The following DIP2C variants were observed in gnomAD, a reference collection of about 807,000 sequenced individuals.
The protein encoded by DIP2C is DIP2 acetate--CoA ligase C (putative).
Under a neutral mutation model 192.4 loss-of-function variants are expected in DIP2C, and 33 were observed. The observed-to-expected ratio is 0.17, with a 90% CI of 0.13 to 0.23. The LOEUF is 0.23. DIP2C is among the 10% of genes least tolerant of loss of function. The pLI, the probability that DIP2C is intolerant of heterozygous loss-of-function variation, is 1.00. For synonymous variants in DIP2C, 979 were observed against 864.1 expected, an observed-to-expected ratio of 1.13 and a Z score of -2.33; for missense variants, 1,537 against 2,110.1, an observed-to-expected ratio of 0.73 and a Z score of 5.32.
chr10:423,021 C>A lies in DIP2C; in HGVS notation c.407G>T (p.Gly136Val). The change falls in exon 5 of 37, where the codon GGC becomes GTC. Residue 136 changes from glycine (G) to valine (V), a missense_variant. Transcript: ENST00000280886. ...CTGCACTGAGCCTTCATCTTCTGAG[C>A]CAGAAGAGGTATCTGTGTAAGAAGA... ...DAYTPPDTSS[G>V]SEDEGSVQGD... 6.2e-7 allele frequency: 1 copy of A among 1,608,932 alleles called. No individual in the cohort carries two copies. The highest frequency in any genetic ancestry group is 8.5e-7 in the Non-Finnish European group (1 of 1,176,716).
intron 1 of DIP2C, among the ~76,000 whole-genome samples, chr10:565,814 C>T (rs1212598856): frequency 6.6e-6 from 1 of 152,260 alleles, no homozygotes; most frequent in Non-Finnish European, 1.5e-5. Flanking sequence ...AGGCTGGCGC[C>T]CTTCTCCGAG....
chr10:589,457 T>C (rs183724161), intron 1 of DIP2C, among the ~76,000 whole-genome samples: 31 of 152,346 alleles, frequency 2.0e-4, no homozygotes, highest in Middle Eastern at 3.4e-3. Flanking sequence ...GTTTTCTAGT[T>C]TGGCATTTTA....
chr10:329,855 T>C lies in DIP2C; in HGVS notation c.3585-254A>G, dbSNP rs553263391. 2.6e-5 allele frequency among the ~76,000 whole-genome samples: 4 copies of C among 152,296 alleles called. No homozygotes were observed. In the South Asian group the frequency reaches 8.3e-4, roughly 32 times the overall value. On this transcript the variant is annotated intron_variant, in intron 29 of 36. Coordinates refer to ENST00000280886, the MANE Select transcript of DIP2C (RefSeq NM_014974.3). ...ACTTTGAACACACATTTAAGACTAC[T>C]AAACGCTGTGATGCTGTGATGTCTC...
In DIP2C at chr10:582,388, C is replaced by T. The variant is rs190957259; in HGVS notation, c.86-95858G>A. Among the ~76,000 whole-genome samples, 22 of 152,282 alleles carry T rather than the reference C, an allele frequency of 1.4e-4. No individual in the cohort carries two copies. The East Asian group carries it at 3.7e-3, about 25-fold the overall frequency. On this transcript the variant is annotated intron_variant, in intron 1 of 36. Transcript: ENST00000280886. ...CACTTAACATAAAACAGAGTCACAC[C>T]GGGGCAACATAACAAGACCCCATCC...
At chr10:609,159 G>A (rs1053655045) in intron 1 of DIP2C, among the ~76,000 whole-genome samples, 1 of 151,646 alleles carries the variant, frequency 6.6e-6, no homozygotes, top group Admixed American at 6.6e-5. Flanking sequence ...AGACAAACAT[G>A]ACTACAAAAA....
intron 31 of DIP2C, among the ~76,000 whole-genome samples, chr10:323,782 T>G (rs542584287): frequency 4.3e-4 from 66 of 152,308 alleles, no homozygotes; most frequent in Non-Finnish European, 6.9e-4. Flanking sequence ...ATTTCAGGCT[T>G]TCCTTATTAG....
At position 443,139 on chromosome 10, in the gene DIP2C, C is replaced by T. The variant is rs535482395; in HGVS notation, c.269-2143G>A. Among the ~76,000 whole-genome samples the T allele has an allele frequency of 2.6e-5, 4 of 152,304 alleles. No homozygotes were observed. The South Asian group carries it at 8.3e-4, about 32-fold the overall frequency. ...AAGTTCCTCCAAAGCAAAGATGCTA[C>T]TACTCACATTGCAATTAAGATTTGG... is the stretch of plus-strand genomic sequence containing the variant. On this transcript the variant is annotated intron_variant, in intron 3 of 36. Transcript: ENST00000280886.
rs550063324 is a variant in DIP2C at position 438,361 on chromosome 10, C to T, written c.394+2510G>A. On this transcript the variant is annotated intron_variant, in intron 4 of 36. Transcript: ENST00000280886. ...AAATAACCGGTTAGTGCCAAGAATT[C>T]GGTTTAAAATATTTCAAGTGGGTTA... 3.9e-5 allele frequency among the ~76,000 whole-genome samples: 6 copies of T among 152,190 alleles called. No individual in the cohort carries two copies. In the South Asian group the frequency reaches 1.2e-3, roughly 32 times the overall value.
chr10:368,992 G>A (rs1159394839), intron 18 of DIP2C, among the ~76,000 whole-genome samples: 2 of 152,246 alleles, frequency 1.3e-5, no homozygotes, highest in South Asian at 2.1e-4. Flanking sequence ...CCCTGCAGCT[G>A]GGCGCTTCCT....
intron 3 of DIP2C, among the ~76,000 whole-genome samples, chr10:441,951 TAGAGAATTAAAGCAGAGACAGAC>T (rs1354064654): frequency 7.5e-5 from 5 of 66,554 alleles, no homozygotes. Flanking sequence ...ACAGACGGGG[TAGAGAATTAAAGCAGAGACAGAC>T]GCTGTGGCAA....
intron 36 of DIP2C, among the ~76,000 whole-genome samples, chr10:279,949 T>C (rs1297646028): frequency 1.3e-5 from 2 of 152,226 alleles, no homozygotes; most frequent in Non-Finnish European, 2.9e-5. Context: ...CCAATTAAAA[T>C]TGTTTTCTTA....
chr10:520,010 G>A (rs369081285), intron 1 of DIP2C, among the ~76,000 whole-genome samples: 3 of 152,330 alleles, frequency 2.0e-5, no homozygotes, highest in African/African-American at 4.8e-5. Context: ...GAGTAACAGC[G>A]ATGGTTCTCC....
intron 1 of DIP2C, among the ~76,000 whole-genome samples, chr10:605,439 C>G (rs1456371727): frequency 6.6e-6 from 1 of 152,226 alleles, no homozygotes; most frequent in Non-Finnish European, 1.5e-5. Context: ...TACAGAAAAA[C>G]TACCATAAGC....
At chr10:498,612 T>G (rs944050610) in intron 1 of DIP2C, among the ~76,000 whole-genome samples, 2 of 152,192 alleles carry the variant, frequency 1.3e-5, no homozygotes, top group African/African-American at 4.8e-5. Flanking sequence ...TCCATTTCAT[T>G]TACCTGAAGT....
chr10:582,716 G>A (rs1037959816), intron 1 of DIP2C, among the ~76,000 whole-genome samples: 24 of 152,192 alleles, frequency 1.6e-4, no homozygotes, highest in Admixed American at 5.9e-4. Flanking sequence ...AAGTGTTCAC[G>A]CCCTTGTGAG....
intron 1 of DIP2C, among the ~76,000 whole-genome samples, chr10:521,499 T>C (rs1273714986): frequency 6.6e-6 from 1 of 152,218 alleles, no homozygotes; most frequent in Non-Finnish European, 1.5e-5. Context: ...GCCTGACGTG[T>C]GGTCCCAGCC....
At chr10:505,338 G>A (rs1001899664) in intron 1 of DIP2C, among the ~76,000 whole-genome samples, 26 of 152,242 alleles carry the variant, frequency 1.7e-4, no homozygotes, top group African/African-American at 6.3e-4. Context: ...TCAGGAAACA[G>A]GAGAAAGCAA....
chr10:500,370 A>G (rs950048322), intron 1 of DIP2C, among the ~76,000 whole-genome samples: 1 of 152,264 alleles, frequency 6.6e-6, no homozygotes, highest in African/African-American at 2.4e-5. Flanking sequence ...TGACCCCACA[A>G]GTCCAGGATA....
intron 4 of DIP2C, among the ~76,000 whole-genome samples, chr10:427,115 G>A (rs753933378): frequency 2.6e-5 from 4 of 152,232 alleles, no homozygotes; most frequent in Non-Finnish European, 5.9e-5. Flanking sequence ...TACAGATGGA[G>A]AAGTCAGAAG....
Sources: allele counts gnomAD v4.1 joint callset (sites outside exome capture counted in the v4.1 genomes callset), GRCh38; gene constraint gnomAD v4.1.1; transcripts MANE v1.5; gene names NCBI Gene and HGNC (gene_info 2026-07-23, HGNC 2026-07-21).